The following PLD5 variants were observed in gnomAD, a reference collection of about 807,000 sequenced individuals.
PLD5 encodes the protein phospholipase D family member 5, also known as inactive phospholipase D5.
A neutral mutation model predicts 61.1 loss-of-function variants in PLD5; 36 were observed. That is an observed-to-expected ratio of 0.59 (90% CI 0.45 to 0.78). The LOEUF (loss-of-function observed/expected upper bound fraction) is 0.78. PLD5 is among the 30% of genes least tolerant of loss of function. PLD5 has a pLI of 0.00. For missense variants in PLD5, 515 were observed against 644.4 expected, an observed-to-expected ratio of 0.80 and a Z score of 2.17; for synonymous variants, 243 against 242.8, an observed-to-expected ratio of 1.00 and a Z score of -0.01.
chr1:242,291,770 G>A (rs1241799189), intron 2 of PLD5, among the ~76,000 whole-genome samples: 1 of 152,114 alleles, frequency 6.6e-6, no homozygotes, highest in Non-Finnish European at 1.5e-5. Flanking sequence ...TTGTACCACT[G>A]CACTCCAGCC....
At position 242,393,541 on chromosome 1, in the gene PLD5, T is replaced by C. The variant is rs1249513616; in HGVS notation, c.190-45299A>G. ...ATATATGTGTATATATGTGAGTATA[T>C]ATATGTGTATATATATGAGTATATA... On this transcript the variant is annotated intron_variant, in intron 1 of 9. Coordinates refer to ENST00000536534, the MANE Select transcript of PLD5 (RefSeq NM_001372062.1). 4.2e-5 allele frequency among the ~76,000 whole-genome samples: 4 copies of C among 95,046 alleles called. 2 individuals carry two copies. Among genetic ancestry groups the C allele is most frequent in the African/African-American group, 9.2e-5 (2 of 21,784 alleles). 62.4% of individuals were successfully genotyped at this position (95,046 alleles called of 152,430 possible).
At chr1:242,478,224 C>T (rs1160619722) in intron 1 of PLD5, among the ~76,000 whole-genome samples, 1 of 152,168 alleles carries the variant, frequency 6.6e-6, no homozygotes, top group African/African-American at 2.4e-5. Flanking sequence ...AATGGGCTCT[C>T]GAAAAGGCTC....
In PLD5 at chr1:242,138,981, G is replaced by C. The variant is rs542046296; in HGVS notation, c.736-14316C>G. Among the ~76,000 whole-genome samples, 3 of 152,276 alleles carry C rather than the reference G, an allele frequency of 2.0e-5. No homozygotes were observed. The South Asian group carries it at 6.2e-4, about 32-fold the overall frequency. On this transcript the variant is annotated intron_variant, in intron 5 of 9. Transcript: ENST00000536534. ...TCTATTTTTCATGCTAATAAATTTAGGGTAGGCAGTCTTAGGACCTACTGT... is the reference window on the plus strand; with the variant it reads ...TCTATTTTTCATGCTAATAAATTTACGGTAGGCAGTCTTAGGACCTACTGT...
intron 2 of PLD5, among the ~76,000 whole-genome samples, chr1:242,296,982 G>T (rs1032183526): frequency 2.6e-5 from 4 of 152,058 alleles, no homozygotes; most frequent in Admixed American, 1.3e-4. Flanking sequence ...CAAAGTGCTG[G>T]GATTACAGGC....
intron 1 of PLD5, among the ~76,000 whole-genome samples, chr1:242,399,084 G>A (rs1663772977): frequency 6.6e-6 from 1 of 152,152 alleles, no homozygotes; most frequent in Non-Finnish European, 1.5e-5. Flanking sequence ...AAGTTTCTGT[G>A]TGCATTTTCT....
intron 1 of PLD5, among the ~76,000 whole-genome samples, chr1:242,356,538 G>T (rs1380494149): frequency 6.6e-6 from 1 of 152,004 alleles, no homozygotes; most frequent in Non-Finnish European, 1.5e-5. Flanking sequence ...TTTGATTAGA[G>T]AATTTAATCT....
intron 2 of PLD5, among the ~76,000 whole-genome samples, chr1:242,320,236 G>A (rs2149185799): frequency 6.6e-6 from 1 of 152,338 alleles, no homozygotes; most frequent in Non-Finnish European, 1.5e-5. Flanking sequence ...TTTTTTAGAA[G>A]TGGGTCAATT....
intron 1 of PLD5, among the ~76,000 whole-genome samples, chr1:242,461,894 C>T (rs975925622): frequency 6.6e-6 from 1 of 152,144 alleles, no homozygotes; most frequent in African/African-American, 2.4e-5. Context: ...AGTTCATGTC[C>T]TTTGCCCATT....
At chr1:242,277,278 T>C (rs1558422959) in intron 3 of PLD5, among the ~76,000 whole-genome samples, 2 of 152,126 alleles carry the variant, frequency 1.3e-5, no homozygotes, top group Non-Finnish European at 2.9e-5. Flanking sequence ...CAATCACTTA[T>C]TCCAGGTGGG....
intron 1 of PLD5, among the ~76,000 whole-genome samples, chr1:242,483,947 T>G (rs945211821): frequency 4.0e-5 from 6 of 151,850 alleles, no homozygotes; most frequent in Non-Finnish European, 8.8e-5. Flanking sequence ...GACAACCTGC[T>G]CCTGAATGAA....
intron 2 of PLD5, among the ~76,000 whole-genome samples, chr1:242,310,277 T>C (rs1373281915): frequency 2.0e-5 from 3 of 152,184 alleles, no homozygotes; most frequent in Admixed American, 6.5e-5. Flanking sequence ...CCTCTTCTAC[T>C]GGCTGTGTAC....
intron 1 of PLD5, among the ~76,000 whole-genome samples, chr1:242,500,651 C>A (rs1306409515): frequency 1.3e-5 from 2 of 152,120 alleles, no homozygotes; most frequent in Admixed American, 1.3e-4. Context: ...GACTTGGAAT[C>A]AAACTCCTGC....
Position 242,256,786 on chromosome 1 carries a change from CTATCTATCTAT to C in PLD5, c.607+8540_607+8550del, listed in dbSNP as rs1243063811. Among the ~76,000 whole-genome samples, 2 of 145,542 alleles carry C rather than the reference CTATCTATCTAT, an allele frequency of 1.4e-5. No individual in the cohort carries two copies. The highest frequency in any genetic ancestry group is 3.0e-5 in the Non-Finnish European group (2 of 65,854). ...TCTATCTATCTATCTATCTATCTAT[CTATCTATCTAT>C]TAATATCTATCTTTCTATGTATCTG... On this transcript the variant is annotated intron_variant, in intron 4 of 9. Transcript: ENST00000536534. This position sits in a 1 kb window ranked among gnomAD's most constrained non-coding sequence, Gnocchi z 5.7.
rs372123240 is a variant in PLD5, at chr1:242,421,378, GC to G, written c.190-73137del. 3.3e-3 allele frequency among the ~76,000 whole-genome samples: 495 copies of G among 152,216 alleles called. 3 individuals are homozygous for G. The highest frequency in any genetic ancestry group is 0.011 in the African/African-American group (449 of 41,532). On this transcript the variant is annotated intron_variant, in intron 1 of 9. Transcript: ENST00000536534. ...AGCATCGTATTGTTCTAGGACCAAG[GC>G]TGAAAGAGCAGCTTCTGTCAGGATA...
At position 242,197,849 on chromosome 1, in the gene PLD5, G is replaced by A. The variant is rs1180504540; in HGVS notation, c.735+22139C>T. On this transcript the variant is annotated intron_variant, in intron 5 of 9. Transcript: ENST00000536534. ...GGGTTTCGCCATGTTGGCCAGGCTGGTCTCGAACTCCTGACCTCATGTGAT... is the reference window on the plus strand; with the variant it reads ...GGGTTTCGCCATGTTGGCCAGGCTGATCTCGAACTCCTGACCTCATGTGAT... 2.0e-5 allele frequency among the ~76,000 whole-genome samples: 3 copies of A among 152,088 alleles called. No individual in the cohort carries two copies. The East Asian group carries it at 5.8e-4, about 29-fold the overall frequency.
intron 4 of PLD5, among the ~76,000 whole-genome samples, chr1:242,261,467 G>A (rs1291218237): frequency 6.6e-6 from 1 of 152,062 alleles, no homozygotes; most frequent in Non-Finnish European, 1.5e-5. Context: ...ACAGGATGCA[G>A]TAAGCATCAA....
At chr1:242,110,342 T>C (rs1661386890) in intron 7 of PLD5, among the ~76,000 whole-genome samples, 1 of 152,024 alleles carries the variant, frequency 6.6e-6, no homozygotes, top group African/African-American at 2.4e-5. Context: ...ACATTAATTC[T>C]CATTAAATGT....
chr1:242,263,694 G>A (rs952524597), intron 4 of PLD5, among the ~76,000 whole-genome samples: 5 of 152,132 alleles, frequency 3.3e-5, no homozygotes, highest in Non-Finnish European at 7.3e-5. Context: ...CAGAATCTAA[G>A]TTGTAGTAGT....
At chr1:242,249,795 T>C (rs544714401) in intron 4 of PLD5, among the ~76,000 whole-genome samples, 1 of 152,334 alleles carries the variant, frequency 6.6e-6, no homozygotes, top group South Asian at 2.1e-4. Flanking sequence ...ACAGAAACAT[T>C]AACCAAAGTA....
Sources: gnomAD v4.1 joint callset for allele counts (sites outside exome capture counted in the v4.1 genomes callset) on GRCh38, gnomAD v4.1.1 for gene constraint, Gnocchi (gnomAD v3.1) non-coding constraint, MANE v1.5 for transcripts, NCBI Gene and HGNC (gene_info 2026-07-23, HGNC 2026-07-21) for gene names.